OR2J3: variants seen among roughly 807,000 people sequenced by gnomAD.
The protein encoded by OR2J3 is olfactory receptor family 2 subfamily J member 3.
Under a neutral mutation model 18.5 loss-of-function variants are expected in OR2J3, and 13 were observed. The ratio of observed to expected loss-of-function variants is 0.70; its 90% CI spans 0.46 to 1.12. The LOEUF is 1.12. OR2J3 is among the 50% of genes most tolerant of loss of function. The pLI, the probability that OR2J3 is intolerant of heterozygous loss-of-function variation, is 0.00. For missense variants in OR2J3, 321 were observed against 371.6 expected (o/e 0.86, Z 1.12); for synonymous variants, 142 against 140.6 (o/e 1.01, Z -0.07).
chr6:29,111,063 T>C (rs543886924), intron 3 of OR2J3, among the ~76,000 whole-genome samples: 4 of 152,278 alleles, frequency 2.6e-5, no homozygotes, highest in African/African-American at 9.6e-5. Flanking sequence ...ACAATATTAT[T>C]ATCTAATCCA....
Position 29,112,061 on chromosome 6 carries a change from T to A in OR2J3, c.171T>A (p.His57Gln). 6.2e-7 allele frequency: 1 copy of A among 1,614,112 alleles called. No individual in the cohort carries two copies. Among genetic ancestry groups the A allele is most frequent in the Non-Finnish European group, 8.5e-7 (1 of 1,180,026 alleles). The part of the protein sequence containing the change: ...FIIILSYLDS[H>Q]LHTPMYFFLS... ...TCATCCTGTCATACCTGGACTCCCA[T>A]CTGCACACACCAATGTACTTCTTCC... The change falls in exon 4 of 4, where the codon CAT becomes CAA. Residue 57 changes from histidine (H) to glutamine (Q), a missense_variant. Physicochemically the swap from His to Gln is conservative, Grantham distance 24. Transcript: ENST00000641151.
intron 3 of OR2J3, 103 bp from the exon 4 acceptor site, chr6:29,111,778 C>G: frequency 7.0e-6 from 7 of 1,000,578 alleles, no homozygotes; most frequent in Middle Eastern, 2.3e-4. Context: ...TAAATGATGG[C>G]AAGCCCTTCA....
chr6:29,113,992 T>G lies in OR2J3; in HGVS notation c.*1166T>G, dbSNP rs1403419735. On this transcript the variant is annotated 3_prime_UTR_variant, in exon 4 of 4. Coordinates refer to ENST00000641151, the MANE Select transcript of OR2J3 (RefSeq NM_001005216.4). ...AAGTAACGTACTTGCAATGCCTGAG[T>G]TTTCTCTATAACTCAAATGTCAGCT... 6.6e-6 allele frequency: 1 copy of G among 152,084 alleles called. No individual in the cohort carries two copies. The highest frequency in any genetic ancestry group is 1.5e-5 in the Non-Finnish European group (1 of 67,998). The allele number at this position is 152,084 out of a possible 1,614,324, so 9.4% of individuals were successfully genotyped here.
At position 29,112,092 on chromosome 6, in the gene OR2J3, A is replaced by G. The variant is rs1762150567; in HGVS notation, c.202A>G (p.Asn68Asp). Residue 68 changes from asparagine to aspartate, a missense_variant, in exon 4 of 4, where the codon AAC becomes GAC. By Grantham distance (23) the Asn-to-Asp change is conservative. Transcript: ENST00000641151. ...LHTPMYFFLS[N>D]LSFLDLCYTT... ...CACACCAATGTACTTCTTCCTTTCA[A>G]ACCTCTCATTTCTGGATCTCTGCTA... 1 of 1,613,946 alleles carries G rather than the reference A, an allele frequency of 6.2e-7. No individual in the cohort carries two copies.
chr6:29,110,894 T>C (rs201105657), intron 3 of OR2J3, among the ~76,000 whole-genome samples: 4 of 140,728 alleles, frequency 2.8e-5, no homozygotes, highest in Non-Finnish European at 6.2e-5. Context: ...TATCTATCTA[T>C]CTACCTATCT....
intron 3 of OR2J3, chr6:29,109,409 T>G (rs528163450): frequency 6.6e-6 from 1 of 152,306 alleles, no homozygotes; most frequent in Non-Finnish European, 1.5e-5. Context: ...GTTCCAAACT[T>G]TTCTGCTGAA....
rs750574661 is a variant in OR2J3 at position 29,112,762 on chromosome 6, T to C, written c.872T>C (p.Leu291Pro). The change falls in exon 4 of 4, where the codon CTA (leucine) becomes CCA (proline). Residue 291 changes from leucine (L) to proline (P), a missense_variant. By Grantham distance (98) the Leu-to-Pro change is moderately conservative (BLOSUM62 -3). Transcript: ENST00000641151. ...YTVVTPSLNPLIYTLRNKVVR... is the reference protein window; with the variant it reads ...YTVVTPSLNPPIYTLRNKVVR... ...GTTGTCACACCTAGTCTTAACCCTC[T>C]AATCTACACCCTCAGAAACAAAGTT... 6.1e-5 allele frequency: 98 copies of C among 1,611,924 alleles called. No individual in the cohort carries two copies. Among genetic ancestry groups the C allele is most frequent in the Non-Finnish European group, 7.7e-5 (91 of 1,179,116 alleles).
At chr6:29,109,205 A>G (rs1437283634) in intron 3 of OR2J3, among the ~76,000 whole-genome samples, 1 of 152,192 alleles carries the variant, frequency 6.6e-6, no homozygotes, top group Admixed American at 6.5e-5. Context: ...CTCTTTGACT[A>G]TTGCTGCTTT....
Position 29,112,217 on chromosome 6 carries a change from A to C in OR2J3, c.327A>C (p.Ala109=). 6.2e-7 allele frequency: 1 copy of C among 1,614,098 alleles called. No individual in the cohort carries two copies. The highest frequency in any genetic ancestry group is 8.5e-7 in the Non-Finnish European group (1 of 1,180,014). ...GCMIQLYFVL[A]LGTTECVLLV... ...TGATTCAACTTTACTTTGTTCTCGC[A>C]CTGGGAACCACAGAGTGTGTCCTAC... The change falls in exon 4 of 4, where the codon GCA becomes GCC. Residue 109 remains alanine (A), a synonymous_variant. Coordinates refer to ENST00000641151, the MANE Select transcript of OR2J3 (RefSeq NM_001005216.4).
In OR2J3 at chr6:29,112,338, G is replaced by T; in HGVS notation, c.448G>T (p.Ala150Ser). The T allele has an allele frequency of 6.2e-7, 1 of 1,614,112 alleles. No individual in the cohort carries two copies. Among genetic ancestry groups the T allele is most frequent in the Non-Finnish European group, 8.5e-7 (1 of 1,180,030 alleles). ...HPRFCHLLAV[A>S]SWVSGFTNSA... Reference sequence around the variant, plus strand: ...TCGTTTCTGCCACCTGCTGGCTGTGGCTTCTTGGGTAAGTGGTTTTACCAA... The same window carrying T: ...TCGTTTCTGCCACCTGCTGGCTGTGTCTTCTTGGGTAAGTGGTTTTACCAA... Residue 150 changes from alanine to serine, a missense_variant, in exon 4 of 4, where the codon GCT becomes TCT. By Grantham distance (99) the Ala-to-Ser change is moderately conservative. Coordinates refer to ENST00000641151, the MANE Select transcript of OR2J3 (RefSeq NM_001005216.4).
rs1183035755 is a variant in OR2J3 at position 29,110,883 on chromosome 6, CTATCTA to C, written c.-10-996_-10-991del. 9.9e-5 allele frequency among the ~76,000 whole-genome samples: 15 copies of C among 151,862 alleles called. No individual in the cohort carries two copies. The South Asian group carries it at 1.5e-3, about 15-fold the overall frequency. On this transcript the variant is annotated intron_variant, in intron 3 of 3. Transcript: ENST00000641151. The stretch of plus-strand genomic sequence containing the variant: ...TCTATCTATCTATCTATCTATCTAT[CTATCTA>C]TCTATCTACCTATCTATCTCTTTTT...
At chr6:29,109,701 G>A (rs2150950467) in intron 3 of OR2J3, 1 of 152,184 alleles carries the variant, frequency 6.6e-6, no homozygotes, top group South Asian at 2.1e-4. Context: ...ACAAAAATAA[G>A]TATCATTTTT....
chr6:29,111,612 C>A (rs1334208477), intron 3 of OR2J3: 3 of 370,902 alleles, frequency 8.1e-6, no homozygotes, highest in African/African-American at 6.3e-5. Context: ...TTAACACCGT[C>A]ACCCCTTCTA....
At chr6:29,109,329 T>C (rs1459095363) in intron 3 of OR2J3, 1 of 152,232 alleles carries the variant, frequency 6.6e-6, no homozygotes, top group East Asian at 1.9e-4. Flanking sequence ...AACTGGCTAA[T>C]GATTATTTAC....
chr6:29,112,426 A>G lies in OR2J3; in HGVS notation c.536A>G (p.His179Arg), dbSNP rs1762174335. The change falls in exon 4 of 4, where the codon CAC (histidine) becomes CGC (arginine). Residue 179 changes from histidine to arginine, a missense_variant. By Grantham distance (29) the His-to-Arg change is conservative (BLOSUM62 0). Coordinates refer to ENST00000641151, the MANE Select transcript of OR2J3 (RefSeq NM_001005216.4). Reference protein sequence around the residue: ...VPLCGHRQVDHFFCEVPALLR... With the variant: ...VPLCGHRQVDRFFCEVPALLR... Reference sequence around the variant, plus strand: ...CTGTGTGGACACCGCCAAGTAGATCACTTTTTCTGTGAAGTTCCAGCACTT... The same window carrying G: ...CTGTGTGGACACCGCCAAGTAGATCGCTTTTTCTGTGAAGTTCCAGCACTT... 6.2e-7 allele frequency: 1 copy of G among 1,614,068 alleles called. No homozygotes were observed. The highest frequency in any genetic ancestry group is 2.2e-5 in the East Asian group (1 of 44,882).
chr6:29,112,404 T>C lies in OR2J3; in HGVS notation c.514T>C (p.Cys172Arg). The stretch of plus-strand genomic sequence containing the variant: ...CTCCTTCACCTTCTGGGTACCTCTG[T>C]GTGGACACCGCCAAGTAGATCACTT... ...HSSFTFWVPL[C>R]GHRQVDHFFC... Residue 172 changes from cysteine to arginine, a missense_variant, in exon 4 of 4, where the codon TGT becomes CGT. Physicochemically the swap from Cys to Arg is radical, Grantham distance 180. Transcript: ENST00000641151. 1.9e-6 allele frequency: 3 copies of C among 1,614,154 alleles called. No homozygotes were observed. The highest frequency in any genetic ancestry group is 2.5e-6 in the Non-Finnish European group (3 of 1,180,032).
In OR2J3 at chr6:29,112,020, G is replaced by T. The variant is rs1053713337; in HGVS notation, c.130G>T (p.Gly44Ter). Residue 44 changes from glycine to a stop codon, truncating the protein, a stop_gained, in exon 4 of 4, where the codon GGA (glycine) becomes TGA (stop). Transcript: ENST00000641151. LOFTEE classifies it high-confidence loss of function. ...GATCTTCTACTTGATGACACTGATA[G>T]GAAACCTGTTCATCATCATCCTGTC... The part of the protein sequence containing the change: ...VLIFYLMTLI[G>*]NLFIIILSYL... The T allele has an allele frequency of 1.9e-6, 3 of 1,613,988 alleles. No individual in the cohort carries two copies. The highest frequency in any genetic ancestry group is 2.5e-6 in the Non-Finnish European group (3 of 1,180,002).
Position 29,112,529 on chromosome 6 carries a change from T to C in OR2J3, c.639T>C (p.Pro213=). Residue 213 remains proline (P), a synonymous_variant, in exon 4 of 4, where the codon CCT becomes CCC. Coordinates refer to ENST00000641151, the MANE Select transcript of OR2J3 (RefSeq NM_001005216.4). ...MITSSIFVLI[P]LILILTSYGA... ...CAAGCTCCATATTTGTTCTCATACCTCTCATCCTCATTCTCACTTCTTATG... is the reference window on the plus strand; with the variant it reads ...CAAGCTCCATATTTGTTCTCATACCCCTCATCCTCATTCTCACTTCTTATG... 1 of 1,614,086 alleles carries C rather than the reference T, an allele frequency of 6.2e-7. No individual in the cohort carries two copies. The highest frequency in any genetic ancestry group is 8.5e-7 in the Non-Finnish European group (1 of 1,179,988).
Position 29,113,000 on chromosome 6 carries a change from C to T in OR2J3, c.*174C>T. The T allele has an allele frequency of 1.5e-6, 1 of 683,092 alleles. No homozygotes were observed. Among genetic ancestry groups the T allele is most frequent in the Admixed American group, 3.1e-5 (1 of 32,484 alleles). 42.3% of individuals were successfully genotyped at this position (683,092 alleles called of 1,614,324 possible). A position where few individuals can be genotyped will look rare whatever the true frequency, so the allele number is the denominator to read the frequency against. ...ACAGGTAGGAATAAAACACAGTCAG[C>T]CTAAATACCATTCACTTGTGGAGAA... On this transcript the variant is annotated 3_prime_UTR_variant, in exon 4 of 4. Transcript: ENST00000641151.
Sources: allele counts gnomAD v4.1 joint callset (sites outside exome capture counted in the v4.1 genomes callset), GRCh38; gene constraint gnomAD v4.1.1; transcripts MANE v1.5; gene names NCBI Gene and HGNC (gene_info 2026-07-23, HGNC 2026-07-21).